FGD4: variants seen among roughly 807,000 people sequenced by gnomAD.
The protein encoded by FGD4 is FYVE, RhoGEF and PH domain-containing protein 4.
Under a neutral mutation model 102.0 loss-of-function variants are expected in FGD4, and 42 were observed. The ratio of observed to expected loss-of-function variants is 0.41; its 90% CI spans 0.32 to 0.53. FGD4 has a LOEUF of 0.53. FGD4 is among the 20% of genes least tolerant of loss of function. FGD4 has a pLI of 0.21. For synonymous variants in FGD4, 380 were observed against 375.7 expected, an observed-to-expected ratio of 1.01 and a Z score of -0.13; for missense variants, 902 against 1,078.2, an observed-to-expected ratio of 0.84 and a Z score of 2.29.
At chr12:32,492,668 T>G (rs190173194) in intron 1 of FGD4, among the ~76,000 whole-genome samples, 35 of 152,332 alleles carry the variant, frequency 2.3e-4, no homozygotes, top group African/African-American at 8.2e-4. Context: ...TGTGATATAT[T>G]CATGTGTAGA....
At chr12:32,542,179 T>C (rs1487544241) in intron 1 of FGD4, among the ~76,000 whole-genome samples, 2 of 152,102 alleles carry the variant, frequency 1.3e-5, no homozygotes, top group Non-Finnish European at 2.9e-5. Context: ...TGTTGGTAAC[T>C]GCAAAACAAA....
In FGD4 at chr12:32,544,290, C is replaced by A. The variant is rs779830512; in HGVS notation, c.167-19847C>A. On this transcript the variant is annotated intron_variant, in intron 1 of 16. Coordinates refer to ENST00000534526, the MANE Select transcript of FGD4 (RefSeq NM_001370298.3). This position sits in a 1 kb window ranked among gnomAD's most constrained non-coding sequence, Gnocchi z 4.1. ...ACAAAAAATGCAAAAATGAGCTGGG[C>A]GTGGTGGTGGGTACCTGTAATCCCA... 2.6e-5 allele frequency among the ~76,000 whole-genome samples: 4 copies of A among 151,946 alleles called. No individual in the cohort carries two copies. Among genetic ancestry groups the A allele is most frequent in the Admixed American group, 6.6e-5 (1 of 15,240 alleles).
rs1010765588 is a variant in FGD4, at chr12:32,643,870, G to T, written c.*3337G>T. The stretch of plus-strand genomic sequence containing the variant: ...GGTGGTTGCTTTTATTTGTTTTCTG[G>T]TTATATTCAAAGCCTTAAGTTCTTA... On this transcript the variant is annotated 3_prime_UTR_variant, in exon 17 of 17. Coordinates refer to ENST00000534526, the MANE Select transcript of FGD4 (RefSeq NM_001370298.3). The T allele has an allele frequency of 6.6e-6, 1 of 151,768 alleles. No individual in the cohort carries two copies. Among genetic ancestry groups the T allele is most frequent in the Non-Finnish European group, 1.5e-5 (1 of 67,874 alleles). 9.4% of individuals were successfully genotyped at this position (151,768 alleles called of 1,614,324 possible). A position where few individuals can be genotyped will look rare whatever the true frequency, so the allele number is the denominator to read the frequency against.
intron 15 of FGD4, among the ~76,000 whole-genome samples, chr12:32,635,609 C>T (rs1950759720): frequency 6.6e-6 from 1 of 152,016 alleles, no homozygotes; most frequent in African/African-American, 2.4e-5. Flanking sequence ...TTAGTCTTTG[C>T]AGACCAAGAG....
chr12:32,600,374 TA>T, intron 5 of FGD4: 1 of 1,016,926 alleles, frequency 9.8e-7, no homozygotes, highest in Non-Finnish European at 1.3e-6. Flanking sequence ...TTGGAGCCTC[TA>T]AGGACATAAT....
intron 11 of FGD4, among the ~76,000 whole-genome samples, chr12:32,622,986 G>A (rs577317174): frequency 1.3e-5 from 2 of 152,260 alleles, no homozygotes; most frequent in South Asian, 2.1e-4. Flanking sequence ...GTATATATTT[G>A]GAGATATTGA....
chr12:32,604,978 A>T (rs569372031), intron 7 of FGD4, among the ~76,000 whole-genome samples: 2 of 112,248 alleles, frequency 1.8e-5, no homozygotes, highest in South Asian at 5.5e-4. Flanking sequence ...TTGCTCTGTC[A>T]CCCAGGCTGG....
At chr12:32,495,695 C>CAAAAAAAAAAAAAAA (rs766436638) in intron 1 of FGD4, among the ~76,000 whole-genome samples, 14 of 76,062 alleles carry the variant, frequency 1.8e-4, no homozygotes, top group Middle Eastern at 7.8e-3. Flanking sequence ...GACTCTGTTT[C>CAAAAAAAAAAAAAAA]AAAAAAAAAA....
chr12:32,484,471 T>A (rs183204891), intron 1 of FGD4, among the ~76,000 whole-genome samples: 1 of 152,338 alleles, frequency 6.6e-6, no homozygotes, highest in Admixed American at 6.5e-5. Context: ...CTACAACATC[T>A]GACTATCACA....
chr12:32,452,053 CACTCTGTGAACAATTGTTTAATG>C (rs1280843725), intron 1 of FGD4, among the ~76,000 whole-genome samples: 1 of 152,070 alleles, frequency 6.6e-6, no homozygotes, highest in Non-Finnish European at 1.5e-5. Flanking sequence ...TAAATGTGGA[CACTCTGTGAACAATTGTTTAATG>C]ACTCCCAAGG....
intron 1 of FGD4, among the ~76,000 whole-genome samples, chr12:32,508,617 C>T (rs1939034169): frequency 6.6e-6 from 1 of 152,234 alleles, no homozygotes. Flanking sequence ...TTAAGTCCAA[C>T]ACTGCATGTG....
intron 2 of FGD4, among the ~76,000 whole-genome samples, chr12:32,564,553 CTT>C (rs1001904969): frequency 6.6e-6 from 1 of 152,142 alleles, no homozygotes; most frequent in Non-Finnish European, 1.5e-5. Context: ...ACTGTGATCT[CTT>C]TATTATGCCT....
At position 32,566,822 on chromosome 12, in the gene FGD4, C is replaced by G. The variant is rs114930428; in HGVS notation, c.319+2533C>G. On this transcript the variant is annotated intron_variant, in intron 2 of 16. Coordinates refer to ENST00000534526, the MANE Select transcript of FGD4 (RefSeq NM_001370298.3). ...AATTATCACCCCCGACACCTTTGTTCCTGCCTCACTGCAAATCCCTTACAA... is the reference window on the plus strand; with the variant it reads ...AATTATCACCCCCGACACCTTTGTTGCTGCCTCACTGCAAATCCCTTACAA... Among the ~76,000 whole-genome samples, 1,043 of 152,300 alleles carry G rather than the reference C, an allele frequency of 6.8e-3. 9 individuals carry two copies. Among genetic ancestry groups the G allele is most frequent in the African/African-American group, 0.024 (986 of 41,558 alleles).
At chr12:32,571,699 A>G (rs560899687) in intron 2 of FGD4, among the ~76,000 whole-genome samples, 1 of 152,276 alleles carries the variant, frequency 6.6e-6, no homozygotes, top group African/African-American at 2.4e-5. Flanking sequence ...CTTCTTAAAA[A>G]GTTGATGACT....
Position 32,511,475 on chromosome 12 carries a change from A to AT in FGD4, c.167-52654dup, listed in dbSNP as rs554251676. On this transcript the variant is annotated intron_variant, in intron 1 of 16. Transcript: ENST00000534526. ...CCACCACGCCCAGCTAATTTTTTAT[A>AT]TTTTTTTTAGTAGAGACGGGGTTTC... 1.4e-3 allele frequency among the ~76,000 whole-genome samples: 210 copies of AT among 151,538 alleles called. 1 individual carries two copies. The highest frequency in any genetic ancestry group is 4.8e-3 in the African/African-American group (200 of 41,328).
intron 1 of FGD4, among the ~76,000 whole-genome samples, chr12:32,477,746 G>C (rs1373765523): frequency 6.6e-6 from 1 of 152,188 alleles, no homozygotes; most frequent in African/African-American, 2.4e-5. Flanking sequence ...TAAGAGTTGT[G>C]AACAATGAAA....
intron 1 of FGD4, among the ~76,000 whole-genome samples, chr12:32,512,705 C>T (rs1219846580): frequency 6.6e-6 from 1 of 152,160 alleles, no homozygotes; most frequent in African/African-American, 2.4e-5. Context: ...CAGGGCCCAC[C>T]TCTTTCTCTC....
chr12:32,529,168 G>C (rs373173557), intron 1 of FGD4, among the ~76,000 whole-genome samples: 1 of 152,202 alleles, frequency 6.6e-6, no homozygotes, highest in East Asian at 1.9e-4. Context: ...AGGCTGGAGT[G>C]CAGTGGCGCA....
intron 1 of FGD4, among the ~76,000 whole-genome samples, chr12:32,470,407 A>G (rs1201083014): frequency 6.6e-6 from 1 of 152,020 alleles, no homozygotes; most frequent in Non-Finnish European, 1.5e-5. Flanking sequence ...GACAGGTTTC[A>G]GAAGAACTGC....
Sources: gnomAD v4.1 joint callset for allele counts (sites outside exome capture counted in the v4.1 genomes callset) on GRCh38, gnomAD v4.1.1 for gene constraint, Gnocchi (gnomAD v3.1) non-coding constraint, MANE v1.5 for transcripts, NCBI Gene and HGNC (gene_info 2026-07-23, HGNC 2026-07-21) for gene names.